ZNF346: variants seen among roughly 807,000 people sequenced by gnomAD.
ZNF346 encodes the protein zinc finger protein 346.
In ZNF346, 23 loss-of-function variants were observed where a neutral mutation model predicts 33.7. That is an observed-to-expected ratio of 0.68 (90% confidence interval 0.49 to 0.97). The LOEUF is 0.97. Ranked by LOEUF, ZNF346 falls within the 50% of genes least tolerant of loss-of-function variation. The pLI, the probability that ZNF346 is intolerant of heterozygous loss-of-function variation, is 0.00. For missense variants in ZNF346, 340 were observed against 371.1 expected (o/e 0.92, Z 0.69); for synonymous variants, 134 against 142.4 (o/e 0.94, Z 0.42).
intron 5 of ZNF346, among the ~76,000 whole-genome samples, chr5:177,057,388 A>T (rs74463504): frequency 6.6e-6 from 1 of 152,042 alleles, no homozygotes; most frequent in Admixed American, 6.6e-5. Context: ...ACTAAGTTGT[A>T]TATTATCAAT....
At chr5:177,025,394 ATACAT>A (rs1776611470) in intron 1 of ZNF346, among the ~76,000 whole-genome samples, 1 of 149,794 alleles carries the variant, frequency 6.7e-6, no homozygotes, top group African/African-American at 2.4e-5. Context: ...TTGTGTGAAC[ATACAT>A]TTCATTTCTT....
intron 4 of ZNF346, among the ~76,000 whole-genome samples, chr5:177,048,393 G>C (rs1269754677): frequency 6.6e-6 from 1 of 152,126 alleles, no homozygotes; most frequent in African/African-American, 2.4e-5. Flanking sequence ...AGGCTGAGGC[G>C]GGTGGATCAC....
At chr5:177,057,555 G>A (rs1161155883) in intron 5 of ZNF346, among the ~76,000 whole-genome samples, 1 of 151,832 alleles carries the variant, frequency 6.6e-6, no homozygotes, top group Non-Finnish European at 1.5e-5. Flanking sequence ...TGGTCAACAT[G>A]CAAAACCCTG....
At chr5:177,034,027 G>T (rs1778109005) in intron 1 of ZNF346, among the ~76,000 whole-genome samples, 1 of 151,672 alleles carries the variant, frequency 6.6e-6, no homozygotes, top group African/African-American at 2.4e-5. Context: ...GATAACAAGT[G>T]TGCACCACCA....
rs1783255327 is a variant in ZNF346 at position 177,067,238 on chromosome 5, G to T, written c.*2639G>T. On this transcript the variant is annotated 3_prime_UTR_variant, in exon 7 of 7. Transcript: ENST00000358149. Reference sequence around the variant, plus strand: ...AGCCTGGACAACAGAGCAAGACCCTGTCTCTAAAAATAATAATTTTTAAAA... The same window carrying T: ...AGCCTGGACAACAGAGCAAGACCCTTTCTCTAAAAATAATAATTTTTAAAA... Among the ~76,000 whole-genome samples the T allele has an allele frequency of 3.3e-5, 5 of 152,076 alleles. No individual in the cohort carries two copies. Among genetic ancestry groups the T allele is most frequent in the Admixed American group, 3.3e-4 (5 of 15,250 alleles).
At chr5:177,044,602 C>T in intron 4 of ZNF346, 69 bp downstream of exon 4, 2 of 1,533,760 alleles carry the variant, frequency 1.3e-6, no homozygotes, top group South Asian at 1.2e-5. Flanking sequence ...GCCAGGGGCT[C>T]ACAGAGATCC....
At chr5:177,048,268 G>A (rs1468137143) in intron 4 of ZNF346, among the ~76,000 whole-genome samples, 2 of 152,068 alleles carry the variant, frequency 1.3e-5, no homozygotes, top group South Asian at 2.1e-4. Context: ...AAGAATGACC[G>A]TTCTCTCTTA....
downstream of ZNF346, among the ~76,000 whole-genome samples, chr5:177,071,677 T>C (rs1340438303): frequency 9.3e-6 from 1 of 107,174 alleles, no homozygotes; most frequent in Non-Finnish European, 1.8e-5. Context: ...AGAGCGAGAC[T>C]CTGTCTCAAA....
chr5:177,051,007 G>A (rs373708793), intron 5 of ZNF346, 71 bp downstream of exon 5: 33 of 1,255,826 alleles, frequency 2.6e-5, no homozygotes, highest in South Asian at 7.3e-5. Flanking sequence ...ACCAGCTGAC[G>A]TTGTGCTTTT....
chr5:177,050,168 C>T (rs928808025), intron 4 of ZNF346, among the ~76,000 whole-genome samples: 1 of 152,176 alleles, frequency 6.6e-6, no homozygotes, highest in Admixed American at 6.5e-5. Context: ...TCTACTCAGC[C>T]TATAATATGC....
Position 177,067,121 on chromosome 5 carries a change from G to C in ZNF346, c.*2522G>C, listed in dbSNP as rs773016997. ...TAGCCAGGTGTGGTGGTGCATTCCT[G>C]TAGTCCTGGCTACCTGGAAGGGTGA... is the stretch of plus-strand genomic sequence containing the variant. On this transcript the variant is annotated 3_prime_UTR_variant, in exon 7 of 7. Transcript: ENST00000358149. Among the ~76,000 whole-genome samples, 4 of 152,102 alleles carry C rather than the reference G, an allele frequency of 2.6e-5. No individual in the cohort carries two copies. The highest frequency in any genetic ancestry group is 7.2e-5 in the African/African-American group (3 of 41,426).
chr5:177,032,813 T>G (rs1777913244), intron 1 of ZNF346, among the ~76,000 whole-genome samples: 1 of 152,114 alleles, frequency 6.6e-6, no homozygotes, highest in African/African-American at 2.4e-5. Flanking sequence ...CCCAGCTGCT[T>G]GAGAGGCTGA....
At chr5:177,046,244 T>C (rs1265562091) in intron 4 of ZNF346, among the ~76,000 whole-genome samples, 1 of 146,134 alleles carries the variant, frequency 6.8e-6, no homozygotes. Flanking sequence ...GAGGTTGCAG[T>C]GAGCTGAGAT....
rs775560129 is a variant in ZNF346 at position 177,022,789 on chromosome 5, C to A, written c.51C>A (p.Ala17=). The A allele has an allele frequency of 7.1e-6, 11 of 1,548,176 alleles. No homozygotes were observed. The highest frequency in any genetic ancestry group is 8.7e-6 in the Non-Finnish European group (10 of 1,148,420). Residue 17 remains alanine (A), a synonymous_variant, in exon 1 of 7, where the codon GCC becomes GCA. Coordinates refer to ENST00000358149, the MANE Select transcript of ZNF346 (RefSeq NM_012279.4). ...TGCAGGCCGCGGACGGCGGAGCGGCCGGGCCTTACAGCAGCTCGGAGTTGC... is the reference window on the plus strand; with the variant it reads ...TGCAGGCCGCGGACGGCGGAGCGGCAGGGCCTTACAGCAGCTCGGAGTTGC... ...ATVQAADGGA[A]GPYSSSELLE... is the part of the protein sequence containing the mutation.
chr5:177,063,737 A>G (rs1782837131), intron 6 of ZNF346, among the ~76,000 whole-genome samples: 1 of 152,176 alleles, frequency 6.6e-6, no homozygotes, highest in Non-Finnish European at 1.5e-5. Context: ...CAAAAAATAA[A>G]GTTAGCCAGG....
intron 1 of ZNF346, among the ~76,000 whole-genome samples, chr5:177,028,600 T>C (rs1013518091): frequency 6.8e-5 from 10 of 146,832 alleles, no homozygotes; most frequent in African/African-American, 2.5e-4. Flanking sequence ...GAGTATCTTC[T>C]GTTAAAATAT....
chr5:177,049,897 C>T (rs998977599), intron 4 of ZNF346, among the ~76,000 whole-genome samples: 19 of 151,856 alleles, frequency 1.3e-4, no homozygotes, highest in Non-Finnish European at 2.1e-4. Flanking sequence ...AGTGCAGTGG[C>T]GCAATCTCGG....
At chr5:177,060,137 C>T (rs1025513334) in intron 5 of ZNF346, among the ~76,000 whole-genome samples, 9 of 152,206 alleles carry the variant, frequency 5.9e-5, no homozygotes, top group Admixed American at 1.3e-4. Context: ...TTGAGCTTTA[C>T]GGGCGGATCA....
In ZNF346 at chr5:177,064,653, G is replaced by C; in HGVS notation, c.*54G>C. ...GGCCAGCCATGAGCCAGCTTCCCGT[G>C]ACTGCTCAGCCCTTGGCTCCCTCTT... On this transcript the variant is annotated 3_prime_UTR_variant, in exon 7 of 7. Transcript: ENST00000358149. The C allele has an allele frequency of 7.0e-7, 1 of 1,432,684 alleles. No homozygotes were observed. The highest frequency in any genetic ancestry group is 1.7e-5 in the Admixed American group (1 of 59,740). 88.7% of individuals were successfully genotyped at this position (1,432,684 alleles called of 1,614,324 possible).
Sources: allele counts gnomAD v4.1 joint callset (sites outside exome capture counted in the v4.1 genomes callset), GRCh38; gene constraint gnomAD v4.1.1; transcripts MANE v1.5; gene names NCBI Gene and HGNC (gene_info 2026-07-23, HGNC 2026-07-21).